Variants in ABCC4 observed in about 807,000 individuals in gnomAD.
ABCC4 encodes the protein ATP binding cassette subfamily C member 4 (PEL blood group).
A neutral mutation model predicts 168.5 loss-of-function variants in ABCC4; 102 were observed. The observed-to-expected ratio is 0.61, with a 90% CI of 0.52 to 0.71. The LOEUF is 0.71. Among genes scored for constraint, ABCC4 ranks in the 30% least tolerant of loss-of-function variants. The pLI, the probability that ABCC4 is intolerant of heterozygous loss-of-function variation, is 0.00. For synonymous variants in ABCC4, 617 were observed against 590.7 expected (o/e 1.04, Z -0.65); for missense variants, 1,402 against 1,605.8 (o/e 0.87, Z 2.17).
intron 19 of ABCC4, among the ~76,000 whole-genome samples, chr13:95,151,581 GAGA>G (rs2036683638): frequency 6.9e-6 from 1 of 144,342 alleles, no homozygotes; most frequent in Admixed American, 7.0e-5. Flanking sequence ...GAAGGAGGAG[GAGA>G]AGGAGAAGAA....
chr13:95,128,718 C>T (rs909932489), intron 19 of ABCC4, among the ~76,000 whole-genome samples: 1 of 152,290 alleles, frequency 6.6e-6, no homozygotes. Context: ...ACCCACCATC[C>T]GTACAAGTTG....
chr13:95,181,810 T>C (rs2037904412), intron 11 of ABCC4, among the ~76,000 whole-genome samples: 1 of 152,210 alleles, frequency 6.6e-6, no homozygotes, highest in Admixed American at 6.5e-5. Flanking sequence ...TGTTGCCCTT[T>C]CATATCATGC....
intron 17 of ABCC4, 24 bp from the exon 18 acceptor site, chr13:95,163,240 A>C (rs2037156930): frequency 1.4e-6 from 2 of 1,417,236 alleles, no homozygotes; most frequent in Non-Finnish European, 2.0e-6. Flanking sequence ...GGAGAAAAAA[A>C]TATTAAGCTA....
intron 4 of ABCC4, among the ~76,000 whole-genome samples, chr13:95,232,841 C>T (rs2039661992): frequency 6.6e-6 from 1 of 152,172 alleles, no homozygotes; most frequent in Non-Finnish European, 1.5e-5. Flanking sequence ...GTTAAGACCA[C>T]AGCAAACTAT....
intron 21 of ABCC4, among the ~76,000 whole-genome samples, chr13:95,081,904 G>A (rs1160919697): frequency 1.3e-5 from 2 of 152,130 alleles, no homozygotes; most frequent in Non-Finnish European, 2.9e-5. Flanking sequence ...GGAGGCTGAG[G>A]CATGAGAATC....
intron 27 of ABCC4, among the ~76,000 whole-genome samples, chr13:95,050,978 C>A (rs1360933931): frequency 6.6e-6 from 1 of 152,202 alleles, no homozygotes; most frequent in Non-Finnish European, 1.5e-5. Context: ...GGGTGTGTCA[C>A]AATTTCACTA....
intron 25 of ABCC4, among the ~76,000 whole-genome samples, chr13:95,067,342 C>T (rs1004598043): frequency 2.0e-5 from 3 of 151,986 alleles, no homozygotes; most frequent in Non-Finnish European, 4.4e-5. Flanking sequence ...AAACAAAAAA[C>T]CTGTAGGGTG....
At chr13:95,051,070 T>C (rs1368321458) in intron 27 of ABCC4, among the ~76,000 whole-genome samples, 1 of 152,200 alleles carries the variant, frequency 6.6e-6, no homozygotes, top group Non-Finnish European at 1.5e-5. Context: ...CCACCTCTTC[T>C]CTCCTAGAAT....
chr13:95,160,009 A>G (rs1038043351), intron 19 of ABCC4, among the ~76,000 whole-genome samples: 2 of 152,250 alleles, frequency 1.3e-5, no homozygotes, highest in East Asian at 3.8e-4. Context: ...CTTAATTCTC[A>G]TAAGATTTCA....
At chr13:95,178,126 G>A (rs1241029642) in intron 11 of ABCC4, 35 bp from the exon 12 acceptor site, 1 of 1,568,510 alleles carries the variant, frequency 6.4e-7, no homozygotes. Flanking sequence ...GGGAAAAAGA[G>A]ACTTAAAACA....
intron 21 of ABCC4, among the ~76,000 whole-genome samples, chr13:95,080,769 G>A (rs532800830): frequency 3.9e-5 from 6 of 152,180 alleles, no homozygotes; most frequent in South Asian, 4.2e-4. Flanking sequence ...CAATGCGCCC[G>A]GCCCAGATTT....
intron 26 of ABCC4, among the ~76,000 whole-genome samples, chr13:95,061,589 T>C (rs1364066263): frequency 1.0e-5 from 1 of 98,182 alleles, no homozygotes; most frequent in African/African-American, 4.1e-5. Flanking sequence ...CTCCAGAATA[T>C]GTGTTTGTGT....
At chr13:95,083,547 G>T (rs9590176) in intron 20 of ABCC4, among the ~76,000 whole-genome samples, 8,396 of 140,542 alleles carry the variant, frequency 0.06, 800 homozygotes, top group African/African-American at 0.22. Flanking sequence ...TTTTTTTTGA[G>T]ATGGAGTCTT....
Position 95,194,939 on chromosome 13 carries a change from T to C in ABCC4, c.1162-2A>G. ...TATCTCATCAAGTAGCAAAAAGGTC[T>C]AAAGAAAATGGGAAAAACACAGATT... On this transcript the variant is annotated splice_acceptor_variant, in intron 8 of 30. Transcript: ENST00000645237. LOFTEE classifies it high-confidence loss of function. The C allele has an allele frequency of 6.2e-7, 1 of 1,611,784 alleles. No homozygotes were observed. Among genetic ancestry groups the C allele is most frequent in the Non-Finnish European group, 8.5e-7 (1 of 1,178,980 alleles).
chr13:95,232,092 A>G (rs996741422), intron 4 of ABCC4, among the ~76,000 whole-genome samples: 2 of 150,134 alleles, frequency 1.3e-5, no homozygotes, highest in Non-Finnish European at 3.0e-5. Flanking sequence ...CAGGAGAATA[A>G]CACAGATGAT....
chr13:95,129,842 A>G (rs2139448022), intron 19 of ABCC4, among the ~76,000 whole-genome samples: 1 of 152,310 alleles, frequency 6.6e-6, no homozygotes, highest in African/African-American at 2.4e-5. Context: ...TGCGAGGCCA[A>G]GGCGGGTGGA....
In ABCC4 at chr13:95,044,508, A is replaced by G. The variant is rs892643640; in HGVS notation, c.3457-70T>C. ...ATGGAAGTAGTCAAGCCTCATAGAC[A>G]TTAGAACCTTCAAGTCCCTTCTCTC... is the stretch of plus-strand genomic sequence containing the variant. On this transcript the variant is annotated intron_variant, in intron 27 of 30. Coordinates refer to ENST00000645237, the MANE Select transcript of ABCC4 (RefSeq NM_005845.5). 9 of 1,388,374 alleles carry G rather than the reference A, an allele frequency of 6.5e-6. No homozygotes were observed. In the Admixed American group the frequency reaches 1.2e-4, roughly 18 times the overall value. The allele number at this position is 1,388,374 out of a possible 1,614,324, so 86.0% of individuals were successfully genotyped here.
At chr13:95,134,020 A>T (rs1405871539) in intron 19 of ABCC4, among the ~76,000 whole-genome samples, 1 of 152,202 alleles carries the variant, frequency 6.6e-6, no homozygotes, top group African/African-American at 2.4e-5. Flanking sequence ...GGCTAAGTCA[A>T]CACAATGATA....
intron 11 of ABCC4, among the ~76,000 whole-genome samples, chr13:95,180,371 T>C (rs2037849956): frequency 6.6e-6 from 1 of 152,012 alleles, no homozygotes; most frequent in South Asian, 2.1e-4. Context: ...CTGGCCAACA[T>C]GGTGAAACTC....
Sources: gnomAD v4.1 joint callset for allele counts (sites outside exome capture counted in the v4.1 genomes callset) on GRCh38, gnomAD v4.1.1 for gene constraint, MANE v1.5 for transcripts, NCBI Gene and HGNC (gene_info 2026-07-23, HGNC 2026-07-21) for gene names.